The following GALNT13 variants were observed in gnomAD, a reference collection of about 807,000 sequenced individuals.
The protein encoded by GALNT13 is polypeptide N-acetylgalactosaminyltransferase 13, also known as UDP-GalNAc:polypeptide N-acetylgalactosaminyltransferase 13.
A neutral mutation model predicts 64.2 loss-of-function variants in GALNT13; 28 were observed. The observed-to-expected ratio is 0.44, with a 90% CI of 0.32 to 0.60. The LOEUF is 0.60. GALNT13 is among the 20% of genes least tolerant of loss of function. GALNT13 has a pLI of 0.05. For missense variants in GALNT13, 577 were observed against 669.8 expected, an observed-to-expected ratio of 0.86 and a Z score of 1.53; for synonymous variants, 214 against 224.6, an observed-to-expected ratio of 0.95 and a Z score of 0.42.
At chr2:154,092,809 A>T (rs1296714865) in intron 3 of GALNT13, among the ~76,000 whole-genome samples, 1 of 151,912 alleles carries the variant, frequency 6.6e-6, no homozygotes, top group East Asian at 1.9e-4. Flanking sequence ...TGTTCTTGTG[A>T]AGTAAGAGGC....
At chr2:153,430,121 T>A in the GALNT13 span, among the ~76,000 whole-genome samples, 1 of 152,142 alleles carries the variant, frequency 6.6e-6, no homozygotes. Context: ...AGTTTTAGAT[T>A]GGACTTATTA....
intron 3 of GALNT13, among the ~76,000 whole-genome samples, chr2:154,113,565 C>A (rs1040208101): frequency 6.6e-6 from 1 of 152,168 alleles, no homozygotes; most frequent in Admixed American, 6.5e-5. Context: ...ACCACTGGAC[C>A]CCTAGAAATT....
At chr2:153,605,604 C>T in the GALNT13 span, among the ~76,000 whole-genome samples, 1 of 152,164 alleles carries the variant, frequency 6.6e-6, no homozygotes, top group African/African-American at 2.4e-5. Context: ...CTTATCTTCA[C>T]TTTTTGCAGT....
intron 1 of GALNT13, among the ~76,000 whole-genome samples, chr2:153,884,801 A>G (rs907759244): frequency 7.6e-5 from 8 of 104,946 alleles, no homozygotes; most frequent in East Asian, 7.2e-4. Flanking sequence ...GTGTATATAT[A>G]TATATGTGTG....
intron 4 of GALNT13, among the ~76,000 whole-genome samples, chr2:154,150,084 T>G (rs1247487337): frequency 6.6e-6 from 1 of 152,210 alleles, no homozygotes; most frequent in Non-Finnish European, 1.5e-5. Context: ...TAGCTCTTAT[T>G]ATTTTGAGAT....
intron 11 of GALNT13, among the ~76,000 whole-genome samples, chr2:154,422,049 C>T (rs1347188955): frequency 6.6e-6 from 1 of 152,032 alleles, no homozygotes; most frequent in African/African-American, 2.4e-5. Flanking sequence ...AGCAAGGACA[C>T]TGCCACAAAT....
intron 3 of GALNT13, among the ~76,000 whole-genome samples, chr2:153,981,171 G>T (rs1694434850): frequency 6.6e-6 from 1 of 151,630 alleles, no homozygotes; most frequent in South Asian, 2.1e-4. Context: ...CTGCTTATTT[G>T]GTCTCATGCA....
chr2:153,151,159 A>T, the GALNT13 span, among the ~76,000 whole-genome samples: 1 of 151,998 alleles, frequency 6.6e-6, no homozygotes, highest in East Asian at 1.9e-4. Flanking sequence ...AGTGGTTTGT[A>T]GTTCTCCTTG....
chr2:153,446,288 T>G, the GALNT13 span, among the ~76,000 whole-genome samples: 1 of 152,178 alleles, frequency 6.6e-6, no homozygotes, highest in Admixed American at 6.5e-5. Context: ...TCATTAAGAT[T>G]CAGGTGTCAA....
At chr2:154,436,499 T>G (rs1415128440) in intron 11 of GALNT13, 1 of 152,234 alleles carries the variant, frequency 6.6e-6, no homozygotes, top group African/African-American at 2.4e-5. Context: ...ATTTGTACAC[T>G]TTAAAAGGAA....
chr2:153,358,636 CAGAGCA>C, the GALNT13 span, among the ~76,000 whole-genome samples: 6 of 151,988 alleles, frequency 3.9e-5, no homozygotes, highest in Admixed American at 3.9e-4. Flanking sequence ...CTAATTAGGC[CAGAGCA>C]ATTCATGTAG....
chr2:153,129,819 A>G, the GALNT13 span, among the ~76,000 whole-genome samples: 3 of 152,312 alleles, frequency 2.0e-5, no homozygotes, highest in South Asian at 4.1e-4. Flanking sequence ...AACTAAAAAC[A>G]TATCCCTTCA....
At chr2:153,614,967 C>G in the GALNT13 span, among the ~76,000 whole-genome samples, 1 of 151,958 alleles carries the variant, frequency 6.6e-6, no homozygotes, top group Non-Finnish European at 1.5e-5. Flanking sequence ...AATAGTAGGT[C>G]TTATTCCTTC....
chr2:154,423,952 C>T (rs546500495), intron 11 of GALNT13, among the ~76,000 whole-genome samples: 1 of 152,246 alleles, frequency 6.6e-6, no homozygotes, highest in South Asian at 2.1e-4. Context: ...AGGTCTTCCA[C>T]CCCCAACCCT....
chr2:153,825,608 CTGTGTGTGTGTGTG>C, the GALNT13 span, among the ~76,000 whole-genome samples: 15 of 134,864 alleles, frequency 1.1e-4, no homozygotes, highest in Middle Eastern at 3.8e-3. Context: ...TCCATGAGTG[CTGTGTGTGTGTGTG>C]TGTGTGTGTG....
the GALNT13 span, among the ~76,000 whole-genome samples, chr2:153,834,129 T>A: frequency 6.6e-6 from 1 of 152,272 alleles, no homozygotes; most frequent in Admixed American, 6.5e-5. Flanking sequence ...GTACCACTTG[T>A]AGCTGTTTTT....
chr2:153,699,682 T>C, the GALNT13 span, among the ~76,000 whole-genome samples: 2 of 151,986 alleles, frequency 1.3e-5, no homozygotes, highest in Non-Finnish European at 2.9e-5. Flanking sequence ...CCTACAGAAA[T>C]ACAAACTAAC....
intron 3 of GALNT13, among the ~76,000 whole-genome samples, chr2:154,106,556 C>G (rs2105476253): frequency 6.6e-6 from 1 of 151,716 alleles, no homozygotes; most frequent in East Asian, 1.9e-4. Context: ...TGCCTAATAC[C>G]AGAGTGTGTT....
At chr2:153,152,037 G>A in the GALNT13 span, among the ~76,000 whole-genome samples, 6 of 151,946 alleles carry the variant, frequency 3.9e-5, no homozygotes, top group Admixed American at 2.0e-4. Flanking sequence ...TGAATGGAGC[G>A]GGTCTAGCTT....
Sources: allele counts gnomAD v4.1 joint callset (sites outside exome capture counted in the v4.1 genomes callset), GRCh38; gene constraint gnomAD v4.1.1; transcripts MANE v1.5; gene names NCBI Gene and HGNC (gene_info 2026-07-23, HGNC 2026-07-21).